Variants in P4HA1 observed in about 807,000 individuals in gnomAD.
P4HA1 encodes the protein prolyl 4-hydroxylase subunit alpha-1.
P4HA1 carries 24 observed loss-of-function variants against 72.8 expected under a neutral mutation model. The ratio of observed to expected loss-of-function variants is 0.33; its 90% CI spans 0.24 to 0.46. The LOEUF is 0.46. Among genes scored for constraint, P4HA1 ranks in the 20% least tolerant of loss-of-function variants. The pLI is 1.00. For missense variants in P4HA1, 446 were observed against 640.6 expected, an observed-to-expected ratio of 0.70 and a Z score of 3.28; for synonymous variants, 201 against 218.8, an observed-to-expected ratio of 0.92 and a Z score of 0.72.
chr10:73,014,277 C>G lies in P4HA1; in HGVS notation c.1315G>C (p.Asp439His), dbSNP rs762937946. 6.2e-7 allele frequency: 1 copy of G among 1,612,204 alleles called. No individual in the cohort carries two copies. Among genetic ancestry groups the G allele is most frequent in the Non-Finnish European group, 8.5e-7 (1 of 1,178,458 alleles). ...CCTGTCCCCAGCTCTTTGAAAGCATCTGGCTCATCTTTCTGTGAATAAAAA... is the reference window on the plus strand; with the variant it reads ...CCTGTCCCCAGCTCTTTGAAAGCATGTGGCTCATCTTTCTGTGAATAAAAA... ...HFDFARKDEPDAFKELGTGNR... is the reference protein window; with the variant it reads ...HFDFARKDEPHAFKELGTGNR... The change falls in exon 12 of 15, where the codon GAT becomes CAT. Residue 439 changes from aspartate (D) to histidine (H), a missense_variant. Transcript: ENST00000394890.
intron 1 of P4HA1, among the ~76,000 whole-genome samples, chr10:73,089,568 A>G (rs6480668): frequency 0.16 from 24,062 of 152,028 alleles, 3,139 homozygotes; most frequent in African/African-American, 0.34. Flanking sequence ...AAACAATCCA[A>G]ATGTCCATCA....
At chr10:73,020,747 G>A (rs190519898) in intron 10 of P4HA1, among the ~76,000 whole-genome samples, 57 of 152,278 alleles carry the variant, frequency 3.7e-4, no homozygotes, top group Middle Eastern at 6.8e-3. Context: ...TATTTGTGGG[G>A]TGCAAGGTTG....
chr10:73,054,346 A>G (rs1841087188), intron 5 of P4HA1, among the ~76,000 whole-genome samples: 1 of 152,230 alleles, frequency 6.6e-6, no homozygotes, highest in Non-Finnish European at 1.5e-5. Context: ...AAATTCACTC[A>G]TTGAAAGATT....
Position 73,070,197 on chromosome 10 carries a change from A to C in P4HA1, c.326-1214T>G, listed in dbSNP as rs1166255590. Among the ~76,000 whole-genome samples, 8 of 113,696 alleles carry C rather than the reference A, an allele frequency of 7.0e-5. No individual in the cohort carries two copies. The Admixed American group carries it at 1.1e-3, about 16-fold the overall frequency. The allele number at this position is 113,696 out of a possible 152,430, so 74.6% of individuals were successfully genotyped here. A position where few individuals can be genotyped will look rare whatever the true frequency, so the allele number is the denominator to read the frequency against. ...TTTTGAGATGGAGTCTCGCTCTGTC[A>C]CCCAGGCTGGAATGCAGCAGTGCAA... On this transcript the variant is annotated intron_variant, in intron 4 of 14. Coordinates refer to ENST00000394890, the MANE Select transcript of P4HA1 (RefSeq NM_001017962.3).
chr10:73,025,296 G>A (rs962311815), intron 10 of P4HA1, among the ~76,000 whole-genome samples: 1 of 152,214 alleles, frequency 6.6e-6, no homozygotes, highest in Non-Finnish European at 1.5e-5. Context: ...TCCCTGGGAT[G>A]CAAGGCTGGT....
chr10:73,075,167 G>A (rs975872310), intron 1 of P4HA1, among the ~76,000 whole-genome samples: 1 of 152,038 alleles, frequency 6.6e-6, no homozygotes, highest in South Asian at 2.1e-4. Context: ...GAGTGCCATG[G>A]TGTGATCTTG....
In P4HA1 at chr10:73,027,636, AGGGAGG is replaced by A. The variant is rs1228928359; in HGVS notation, c.1248+2629_1248+2634del. Reference sequence around the variant, plus strand: ...AAGGAAGGAAGGAAAGAAGGGAGTCAGGGAGGGGGAGGGGGGAGGGAGAGAGGAAGG... The same window carrying A: ...AAGGAAGGAAGGAAAGAAGGGAGTCAGGGAGGGGGGAGGGAGAGAGGAAGG... On this transcript the variant is annotated intron_variant, in intron 10 of 14. Transcript: ENST00000394890. 9.3e-5 allele frequency among the ~76,000 whole-genome samples: 6 copies of A among 64,186 alleles called. No individual in the cohort carries two copies. In the South Asian group the frequency reaches 4.2e-3, roughly 45 times the overall value. 42.1% of individuals were successfully genotyped at this position (64,186 alleles called of 152,430 possible).
chr10:73,012,589 C>T (rs772904324), intron 12 of P4HA1, among the ~76,000 whole-genome samples: 2 of 150,862 alleles, frequency 1.3e-5, no homozygotes, highest in African/African-American at 2.5e-5. Context: ...AGGAGGCATA[C>T]GGAGAGGAAG....
In P4HA1 at chr10:73,043,386, A is replaced by C. The variant is rs887663168; in HGVS notation, c.1148+1595T>G. Among the ~76,000 whole-genome samples, 5 of 152,366 alleles carry C rather than the reference A, an allele frequency of 3.3e-5. No individual in the cohort carries two copies. In the East Asian group the frequency reaches 9.6e-4, roughly 29 times the overall value. On this transcript the variant is annotated intron_variant, in intron 9 of 14. Transcript: ENST00000394890. ...CTGTCACCCAATTCTGTGAGCTCTAAGTTACACAGTGAGCTCTTTTTAAAA... is the reference window on the plus strand; with the variant it reads ...CTGTCACCCAATTCTGTGAGCTCTACGTTACACAGTGAGCTCTTTTTAAAA...
intron 13 of P4HA1, among the ~76,000 whole-genome samples, chr10:73,010,113 C>T (rs551865610): frequency 3.9e-5 from 6 of 152,086 alleles, no homozygotes; most frequent in African/African-American, 1.2e-4. Context: ...GGATTACAGG[C>T]GTGCAACACC....
At chr10:73,092,903 G>C (rs1170379557) in intron 1 of P4HA1, among the ~76,000 whole-genome samples, 1 of 151,720 alleles carries the variant, frequency 6.6e-6, no homozygotes, top group Non-Finnish European at 1.5e-5. Context: ...AGAATCACTT[G>C]AGGCCAGGAG....
intron 1 of P4HA1, among the ~76,000 whole-genome samples, chr10:73,083,049 C>T (rs1361808994): frequency 1.3e-5 from 2 of 150,300 alleles, no homozygotes; most frequent in Non-Finnish European, 2.9e-5. Flanking sequence ...ATGCAATCTC[C>T]TTTAAAAGAA....
At chr10:73,091,548 A>G (rs986976562) in intron 1 of P4HA1, among the ~76,000 whole-genome samples, 3 of 152,226 alleles carry the variant, frequency 2.0e-5, no homozygotes, top group Non-Finnish European at 4.4e-5. Flanking sequence ...CTGTAAGAGA[A>G]GTCTTGAGCC....
At chr10:73,009,978 T>G (rs1372809435) in intron 13 of P4HA1, 75 bp from the exon 14 acceptor site, 3 of 829,236 alleles carry the variant, frequency 3.6e-6, no homozygotes, top group Non-Finnish European at 4.0e-6. Context: ...TTACTTTTTT[T>G]TTTTTTTTGA....
intron 7 of P4HA1, among the ~76,000 whole-genome samples, chr10:73,048,110 G>C (rs1840918389): frequency 6.6e-6 from 1 of 152,054 alleles, no homozygotes; most frequent in Non-Finnish European, 1.5e-5. Context: ...TGAGTAGTCT[G>C]TTTCAATTAT....
chr10:73,028,493 G>A (rs998929695), intron 10 of P4HA1, among the ~76,000 whole-genome samples: 1 of 151,930 alleles, frequency 6.6e-6, no homozygotes, highest in Non-Finnish European at 1.5e-5. Flanking sequence ...GTGCAATGGC[G>A]CAATCTCAGC....
intron 10 of P4HA1, among the ~76,000 whole-genome samples, chr10:73,027,577 C>A (rs1373001061): frequency 8.4e-6 from 1 of 119,474 alleles, no homozygotes; most frequent in Non-Finnish European, 1.6e-5. Flanking sequence ...TGCACATGTA[C>A]CCTAGAACTT....
chr10:73,017,763 G>A (rs937532424), intron 10 of P4HA1, among the ~76,000 whole-genome samples: 4 of 152,100 alleles, frequency 2.6e-5, no homozygotes, highest in African/African-American at 9.7e-5. Context: ...AAAAATATTT[G>A]GTCTGAGTTC....
chr10:73,015,577 A>T (rs1187210025), intron 11 of P4HA1, among the ~76,000 whole-genome samples: 1 of 152,198 alleles, frequency 6.6e-6, no homozygotes, highest in African/African-American at 2.4e-5. Context: ...CAAGAGATTT[A>T]TTTTCAAACC....
Sources: gnomAD v4.1 joint callset for allele counts (sites outside exome capture counted in the v4.1 genomes callset) on GRCh38, gnomAD v4.1.1 for gene constraint, MANE v1.5 for transcripts, NCBI Gene and HGNC (gene_info 2026-07-23, HGNC 2026-07-21) for gene names.